IMMP2L: variants seen among roughly 807,000 people sequenced by gnomAD.
IMMP2L encodes the protein mitochondrial inner membrane protease subunit 2.
Under a neutral mutation model 19.3 loss-of-function variants are expected in IMMP2L, and 18 were observed. That is an observed-to-expected ratio of 0.93 (90% CI 0.64 to 1.38). IMMP2L has a LOEUF of 1.38. Ranked by LOEUF, IMMP2L falls within the 40% of genes most tolerant of loss-of-function variation. The pLI is 0.00. For synonymous variants in IMMP2L, 76 were observed against 73.0 expected, an observed-to-expected ratio of 1.04 and a Z score of -0.21; for missense variants, 233 against 218.2, an observed-to-expected ratio of 1.07 and a Z score of -0.43.
intron 3 of IMMP2L, among the ~76,000 whole-genome samples, chr7:111,461,999 C>G (rs989483149): frequency 6.6e-6 from 1 of 151,634 alleles, no homozygotes; most frequent in Non-Finnish European, 1.5e-5. Context: ...TGCACAAACA[C>G]AGAGATAAAA....
chr7:111,048,183 T>A (rs1276812796), intron 3 of IMMP2L, among the ~76,000 whole-genome samples: 2 of 125,484 alleles, frequency 1.6e-5, no homozygotes, highest in African/African-American at 6.4e-5. Context: ...GAGCTTGCAC[T>A]GAGCCGAGAT....
chr7:110,809,378 C>T (rs1801865770), intron 5 of IMMP2L, among the ~76,000 whole-genome samples: 2 of 151,848 alleles, frequency 1.3e-5, no homozygotes, highest in African/African-American at 2.4e-5. Flanking sequence ...TTATATATAG[C>T]AAGAAAGACC....
Position 111,238,203 on chromosome 7 carries a change from C to T in IMMP2L, c.239+249035G>A, listed in dbSNP as rs370719892. On this transcript the variant is annotated intron_variant, in intron 3 of 5. Transcript: ENST00000405709. The stretch of plus-strand genomic sequence containing the variant: ...ACATAAAGTTGGAGTAATCAGAAAA[C>T]AATCCTGTACCATAAGGAAGAAGAC... Among the ~76,000 whole-genome samples the T allele has an allele frequency of 1.6e-4, 25 of 152,008 alleles. No individual in the cohort carries two copies. The East Asian group carries it at 2.5e-3, about 15-fold the overall frequency.
chr7:111,382,014 G>A (rs1012725627), intron 3 of IMMP2L, among the ~76,000 whole-genome samples: 1 of 151,892 alleles, frequency 6.6e-6, no homozygotes, highest in Non-Finnish European at 1.5e-5. Context: ...GGAAGCAATT[G>A]GATGTCATGA....
chr7:111,387,330 C>T (rs552597329), intron 3 of IMMP2L, among the ~76,000 whole-genome samples: 3 of 152,130 alleles, frequency 2.0e-5, no homozygotes, highest in Non-Finnish European at 4.4e-5. Flanking sequence ...TCCTTTAAAA[C>T]TAGCTTTTAA....
At chr7:111,011,951 G>A (rs1046913374) in intron 3 of IMMP2L, among the ~76,000 whole-genome samples, 7 of 152,064 alleles carry the variant, frequency 4.6e-5, no homozygotes, top group African/African-American at 1.7e-4. Context: ...CAGCTGGGCA[G>A]CATATTACTG....
intron 3 of IMMP2L, among the ~76,000 whole-genome samples, chr7:111,016,883 T>A (rs1402335718): frequency 1.1e-5 from 1 of 89,448 alleles, no homozygotes; most frequent in Non-Finnish European, 2.0e-5. Context: ...ATAATATATA[T>A]TATATATAAT....
chr7:111,323,762 C>G (rs987899242), intron 3 of IMMP2L, among the ~76,000 whole-genome samples: 12 of 152,032 alleles, frequency 7.9e-5, no homozygotes, highest in Admixed American at 7.2e-4. Flanking sequence ...CAATGATAGA[C>G]TGGATAAAGA....
chr7:111,311,667 G>A (rs1014778060), intron 3 of IMMP2L, among the ~76,000 whole-genome samples: 5 of 152,128 alleles, frequency 3.3e-5, no homozygotes, highest in African/African-American at 1.2e-4. Context: ...TAGAAACTGA[G>A]TGAGAGGCCA....
chr7:111,402,991 A>ACCCCCCCCCCCCCCCCCCCCC (rs781654530), intron 3 of IMMP2L, among the ~76,000 whole-genome samples: 7 of 45,506 alleles, frequency 1.5e-4, no homozygotes, highest in African/African-American at 2.2e-4. Context: ...TGCAGCCTTG[A>ACCCCCCCCCCCCCCCCCCCCC]CCCCCCCCCC....
At chr7:111,260,513 T>A (rs1817203276) in intron 3 of IMMP2L, among the ~76,000 whole-genome samples, 1 of 152,158 alleles carries the variant, frequency 6.6e-6, no homozygotes, top group Non-Finnish European at 1.5e-5. Context: ...TTTTTAGACC[T>A]AATCAAGAGA....
At chr7:111,167,557 C>A (rs1296247886) in intron 3 of IMMP2L, among the ~76,000 whole-genome samples, 1 of 151,890 alleles carries the variant, frequency 6.6e-6, no homozygotes, top group African/African-American at 2.4e-5. Flanking sequence ...AATCATATTA[C>A]CCCAAACTCC....
intron 2 of IMMP2L, among the ~76,000 whole-genome samples, chr7:111,506,199 A>C (rs1844883918): frequency 7.0e-6 from 1 of 143,712 alleles, no homozygotes; most frequent in African/African-American, 2.8e-5. Flanking sequence ...TCTCTTTAAA[A>C]TAATAATAAT....
intron 5 of IMMP2L, among the ~76,000 whole-genome samples, chr7:110,721,628 T>A (rs907275295): frequency 6.6e-6 from 1 of 152,128 alleles, no homozygotes; most frequent in Non-Finnish European, 1.5e-5. Context: ...TTAGAGAACA[T>A]TTCAGTCTCT....
chr7:111,524,593 T>C (rs1846659466), intron 1 of IMMP2L, among the ~76,000 whole-genome samples: 1 of 152,090 alleles, frequency 6.6e-6, no homozygotes, highest in Non-Finnish European at 1.5e-5. Context: ...ATTCCCTTAA[T>C]AGAGCAAGTC....
At chr7:111,316,371 C>A (rs111434880) in intron 3 of IMMP2L, among the ~76,000 whole-genome samples, 9 of 151,926 alleles carry the variant, frequency 5.9e-5, no homozygotes, top group African/African-American at 1.9e-4. Context: ...GAAAAAAGGG[C>A]CTGAAAACCA....
chr7:110,886,249 C>T (rs1305503485), intron 5 of IMMP2L, among the ~76,000 whole-genome samples: 2 of 151,940 alleles, frequency 1.3e-5, no homozygotes, highest in Non-Finnish European at 2.9e-5. Context: ...TACACATTGT[C>T]TGCTAAACAT....
At chr7:110,973,887 T>C (rs1194228189) in intron 3 of IMMP2L, among the ~76,000 whole-genome samples, 1 of 152,236 alleles carries the variant, frequency 6.6e-6, no homozygotes, top group Non-Finnish European at 1.5e-5. Flanking sequence ...TGCTCAAACA[T>C]GACCAACAAC....
At chr7:111,363,387 A>G (rs982520147) in intron 3 of IMMP2L, among the ~76,000 whole-genome samples, 2 of 152,120 alleles carry the variant, frequency 1.3e-5, no homozygotes, top group African/African-American at 2.4e-5. Flanking sequence ...GCACGGACCT[A>G]AGAAGCAGAG....
Sources: gnomAD v4.1 joint callset for allele counts (sites outside exome capture counted in the v4.1 genomes callset) on GRCh38, gnomAD v4.1.1 for gene constraint, MANE v1.5 for transcripts, NCBI Gene and HGNC (gene_info 2026-07-23, HGNC 2026-07-21) for gene names.